TPP2: variants seen among roughly 807,000 people sequenced by gnomAD.
The protein encoded by TPP2 is tripeptidyl peptidase 2.
Under a neutral mutation model 155.9 loss-of-function variants are expected in TPP2, and 34 were observed. That is an observed-to-expected ratio of 0.22 (90% CI 0.17 to 0.29). The LOEUF (loss-of-function observed/expected upper bound fraction) is 0.29, where lower values mean the gene tolerates loss of function less well. Among genes scored for constraint, TPP2 ranks in the 10% least tolerant of loss-of-function variants. TPP2 has a pLI of 1.00. For synonymous variants in TPP2, 510 were observed against 529.4 expected (o/e 0.96, Z 0.50); for missense variants, 1,028 against 1,522.3 (o/e 0.68, Z 5.40).
intron 23 of TPP2, among the ~76,000 whole-genome samples, chr13:102,650,021 C>A (rs1228228069): frequency 6.6e-6 from 1 of 152,048 alleles, no homozygotes; most frequent in African/African-American, 2.4e-5. Flanking sequence ...TGAGATGTTT[C>A]TTTTGGTATT....
chr13:102,676,164 A>T (rs2139625623), intron 28 of TPP2, 132 bp from the exon 29 acceptor site: 1 of 820,552 alleles, frequency 1.2e-6, no homozygotes, highest in East Asian at 3.4e-5. Context: ...CAAAGTTTTT[A>T]AAAATGTACT....
chr13:102,610,475 C>G (rs971067337), intron 2 of TPP2, among the ~76,000 whole-genome samples: 21 of 152,186 alleles, frequency 1.4e-4, no homozygotes, highest in Admixed American at 6.5e-4. Context: ...GGTGATCCAC[C>G]CACTTCGGCC....
At chr13:102,676,107 C>T (rs775368764) in intron 28 of TPP2, among the ~76,000 whole-genome samples, 189 bp from the exon 29 acceptor site, 1 of 152,094 alleles carries the variant, frequency 6.6e-6, no homozygotes, top group Non-Finnish European at 1.5e-5. Context: ...ACAGATGGTT[C>T]ATTCTGTGGA....
At chr13:102,632,345 A>G (rs1454231641) in intron 10 of TPP2, among the ~76,000 whole-genome samples, 1 of 151,822 alleles carries the variant, frequency 6.6e-6, no homozygotes, top group African/African-American at 2.4e-5. Context: ...CTCAGGTTCA[A>G]CCAATTCTGC....
rs766144935 is a variant in TPP2, at chr13:102,614,163, C to G, written c.357C>G (p.Asp119Glu). The change falls in exon 3 of 30, where the codon GAC becomes GAG. Residue 119 changes from aspartate (D) to glutamate (E), a missense_variant. Physicochemically the swap from Asp to Glu is conservative, Grantham distance 45. This residue lies in a region of TPP2 where 300 missense variants were observed against 398.3 expected (regional missense o/e 0.75). Coordinates refer to ENST00000376052, the MANE Select transcript of TPP2 (RefSeq NM_001330588.2). Reference sequence around the variant, plus strand: ...ATATTGGCATAAAAAATGGCTATGACTTCTATCCTAAGGCACTCAAGGAAA... The same window carrying G: ...ATATTGGCATAAAAAATGGCTATGAGTTCTATCCTAAGGCACTCAAGGAAA... Reference protein sequence around the residue: ...KYHIGIKNGYDFYPKALKERI... With the variant: ...KYHIGIKNGYEFYPKALKERI... The G allele has an allele frequency of 6.2e-7, 1 of 1,613,378 alleles. No homozygotes were observed. The highest frequency in any genetic ancestry group is 8.5e-7 in the Non-Finnish European group (1 of 1,179,704).
intron 27 of TPP2, among the ~76,000 whole-genome samples, chr13:102,667,371 A>G (rs678071): frequency 0.05 from 7,629 of 152,260 alleles, 643 homozygotes; most frequent in African/African-American, 0.17. Flanking sequence ...TATTGAGCAA[A>G]TACTTCATGT....
intron 24 of TPP2, chr13:102,654,874 C>A (rs1883750073): frequency 6.7e-6 from 3 of 446,794 alleles, no homozygotes; most frequent in South Asian, 4.7e-5. Context: ...TTTGCGCTTA[C>A]CTTGGCTTTG....
intron 5 of TPP2, among the ~76,000 whole-genome samples, chr13:102,620,187 C>G (rs552717163): frequency 1.3e-5 from 2 of 152,150 alleles, no homozygotes; most frequent in Non-Finnish European, 2.9e-5. Context: ...TGTGTTTCCA[C>G]AAGATTTCCT....
intron 1 of TPP2, among the ~76,000 whole-genome samples, chr13:102,599,704 A>G (rs1879281844): frequency 6.6e-6 from 1 of 152,124 alleles, no homozygotes; most frequent in Admixed American, 6.5e-5. Context: ...GTGATTTCAT[A>G]TTTCCTCAGC....
rs926206214 is a variant in TPP2 at position 102,676,210 on chromosome 13, G to C, written c.3580-86G>C. ...TATTCATTTCAAAAGCTACACTTCT[G>C]TTAAAGCCTTAATTTTATGGTTAAA... On this transcript the variant is annotated intron_variant, in intron 28 of 29. Transcript: ENST00000376052. 3.2e-5 allele frequency: 40 copies of C among 1,265,062 alleles called. No individual in the cohort carries two copies. The Admixed American group carries it at 4.9e-4, about 16-fold the overall frequency. The allele number at this position is 1,265,062 out of a possible 1,614,324, so 78.4% of individuals were successfully genotyped here.
Position 102,643,372 on chromosome 13 carries a change from T to C in TPP2, c.2171T>C (p.Val724Ala), listed in dbSNP as rs1176084589. 2 of 1,600,056 alleles carry C rather than the reference T, an allele frequency of 1.2e-6. No individual in the cohort carries two copies. The highest frequency in any genetic ancestry group is 4.5e-5 in the East Asian group (2 of 44,518). The change falls in exon 17 of 30, where the codon GTC becomes GCC. Residue 724 changes from valine (V) to alanine (A), a missense_variant. This residue lies in a region of TPP2 where 325 missense variants were observed against 463.7 expected (regional missense o/e 0.70). Coordinates refer to ENST00000376052, the MANE Select transcript of TPP2 (RefSeq NM_001330588.2). ...EKGTLTEAFP[V>A]LGGKAIEFCI... ...GGAACACTGACTGAAGCTTTTCCTG[T>C]CCTAGTAAGTTTAATTATAGTTTAT...
chr13:102,633,874 C>A, intron 10 of TPP2, 76 bp from the exon 11 acceptor site: 3 of 1,591,134 alleles, frequency 1.9e-6, no homozygotes, highest in South Asian at 1.1e-5. Context: ...TGGATTTAAC[C>A]AGTGGTCGTC....
chr13:102,604,947 ATTT>A, intron 2 of TPP2, 26 bp downstream of exon 2: 4 of 1,330,572 alleles, frequency 3.0e-6, no homozygotes, highest in Admixed American at 2.1e-5. Context: ...TTCTTTTTGA[ATTT>A]TTTTTTTTTT....
rs749216265 is a variant in TPP2 at position 102,640,318 on chromosome 13, T to G, written c.1962T>G (p.Phe654Leu). ...ATCTAGCCTTTACAGATGTACACTT[T>G]AAACCTGGTCAAATTCGAAGGCATT... ...HYDLAFTDVH[F>L]KPGQIRRHFI... is the part of the protein sequence containing the mutation. Residue 654 changes from phenylalanine to leucine, a missense_variant, in exon 16 of 30, where the codon TTT becomes TTG. By Grantham distance (22) the Phe-to-Leu change is conservative. Around this residue, in one of 7 missense-constraint regions of TPP2, gnomAD observed 325 missense variants for 463.7 expected, o/e 0.70. Coordinates refer to ENST00000376052, the MANE Select transcript of TPP2 (RefSeq NM_001330588.2). 1.2e-6 allele frequency: 2 copies of G among 1,613,590 alleles called. No individual in the cohort carries two copies. The highest frequency in any genetic ancestry group is 1.7e-6 in the Non-Finnish European group (2 of 1,179,748).
At chr13:102,677,371 G>GCCC (rs11355801) in intron 29 of TPP2, among the ~76,000 whole-genome samples, 5 of 151,218 alleles carry the variant, frequency 3.3e-5, no homozygotes, top group Non-Finnish European at 5.9e-5. Context: ...CCTCCACTCT[G>GCCC]CCCCCCCCGC....
chr13:102,647,423 A>G (rs1299702240), intron 21 of TPP2, 79 bp downstream of exon 21: 2 of 1,528,302 alleles, frequency 1.3e-6, no homozygotes, highest in African/African-American at 1.4e-5. Context: ...TTGTTATGGT[A>G]ATGTTCATAC....
chr13:102,598,562 C>T (rs879829863), intron 1 of TPP2, among the ~76,000 whole-genome samples: 4 of 152,156 alleles, frequency 2.6e-5, no homozygotes, highest in Admixed American at 6.5e-5. Flanking sequence ...AACTTAAAGA[C>T]TTAGAACAAT....
intron 1 of TPP2, among the ~76,000 whole-genome samples, chr13:102,598,608 G>C (rs757094769): frequency 2.6e-5 from 4 of 152,214 alleles, no homozygotes; most frequent in Non-Finnish European, 5.9e-5. Flanking sequence ...TTATTACAAA[G>C]TAATAATGCT....
intron 26 of TPP2, 46 bp from the exon 27 acceptor site, chr13:102,664,749 A>G (rs890985931): frequency 1.9e-6 from 3 of 1,582,098 alleles, no homozygotes; most frequent in African/African-American, 1.4e-5. Flanking sequence ...GCTTTCGTAT[A>G]CTGATTGATA....
Sources: allele counts gnomAD v4.1 joint callset (sites outside exome capture counted in the v4.1 genomes callset), GRCh38; gene constraint gnomAD v4.1.1; regional missense constraint gnomAD v4.1.1; transcripts MANE v1.5; gene names NCBI Gene and HGNC (gene_info 2026-07-23, HGNC 2026-07-21).